The following CLSTN2 variants were observed in gnomAD, a reference collection of about 807,000 sequenced individuals.
CLSTN2 encodes the protein calsyntenin 2, also known as calsyntenin-2.
Under a neutral mutation model 101.2 loss-of-function variants are expected in CLSTN2, and 48 were observed. The observed-to-expected ratio is 0.47, with a 90% CI of 0.38 to 0.60. The LOEUF is 0.60. Ranked by LOEUF, CLSTN2 falls within the 20% of genes least tolerant of loss-of-function variation. CLSTN2 has a pLI of 0.00. For missense variants in CLSTN2, 1,160 were observed against 1,238.2 expected, an observed-to-expected ratio of 0.94 and a Z score of 0.95; for synonymous variants, 481 against 463.6, an observed-to-expected ratio of 1.04 and a Z score of -0.48.
At chr3:140,535,177 G>A (rs1200400004) in intron 9 of CLSTN2, among the ~76,000 whole-genome samples, 1 of 152,208 alleles carries the variant, frequency 6.6e-6, no homozygotes, top group Non-Finnish European at 1.5e-5. Context: ...GTAGAATGAA[G>A]CAGACCAACC....
intron 5 of CLSTN2, among the ~76,000 whole-genome samples, chr3:140,424,200 A>C (rs1347580465): frequency 1.3e-5 from 2 of 152,206 alleles, no homozygotes; most frequent in East Asian, 3.9e-4. Flanking sequence ...GACTGAGAAC[A>C]GGTACAAGAA....
chr3:140,180,616 CTT>C (rs1178845116), intron 2 of CLSTN2, among the ~76,000 whole-genome samples: 1 of 152,156 alleles, frequency 6.6e-6, no homozygotes, highest in Admixed American at 6.5e-5. Flanking sequence ...ACTGTGGAGA[CTT>C]TTAAATTTCA....
chr3:140,511,426 T>A (rs1934811376), intron 8 of CLSTN2, among the ~76,000 whole-genome samples: 1 of 152,124 alleles, frequency 6.6e-6, no homozygotes, highest in African/African-American at 2.4e-5. Flanking sequence ...TGCCTCTAGA[T>A]CTTTGAGGAA....
intron 1 of CLSTN2, among the ~76,000 whole-genome samples, chr3:140,148,545 A>G (rs1312186092): frequency 1.3e-5 from 2 of 152,228 alleles, no homozygotes; most frequent in African/African-American, 2.4e-5. Context: ...AATGCAAGTA[A>G]TAGTCCATAT....
chr3:140,283,155 A>G (rs1330967102), intron 2 of CLSTN2, among the ~76,000 whole-genome samples: 6 of 152,174 alleles, frequency 3.9e-5, no homozygotes, highest in Non-Finnish European at 2.9e-5. Flanking sequence ...TTTATAATAT[A>G]CAAGGTTCTA....
chr3:140,357,616 G>A (rs928334610), intron 2 of CLSTN2, among the ~76,000 whole-genome samples: 6 of 152,130 alleles, frequency 3.9e-5, no homozygotes. Flanking sequence ...GGCAAGCAGA[G>A]GCAGGAACAC....
intron 8 of CLSTN2, among the ~76,000 whole-genome samples, chr3:140,477,831 C>T (rs1375839414): frequency 6.6e-6 from 1 of 152,194 alleles, no homozygotes; most frequent in Non-Finnish European, 1.5e-5. Context: ...AGTGCAATCC[C>T]CAATGGCACT....
intron 5 of CLSTN2, among the ~76,000 whole-genome samples, chr3:140,439,655 T>G (rs2088737128): frequency 6.6e-6 from 1 of 152,234 alleles, no homozygotes; most frequent in Admixed American, 6.5e-5. Flanking sequence ...TTCACATTTG[T>G]CCACGACATT....
In CLSTN2 at chr3:140,448,057, T is replaced by C. The variant is rs114864919; in HGVS notation, c.788-462T>C. Among the ~76,000 whole-genome samples the C allele has an allele frequency of 2.0e-3, 307 of 152,206 alleles. 2 individuals are homozygous for C. The highest frequency in any genetic ancestry group is 5.2e-3 in the African/African-American group (214 of 41,516). ...AATTTTGAGATACTAAAAAAAAGGT[T>C]TGGGGATGATGGGGGTTGCCTCTGG... On this transcript the variant is annotated intron_variant, in intron 5 of 16. Coordinates refer to ENST00000458420, the MANE Select transcript of CLSTN2 (RefSeq NM_022131.3).
chr3:140,227,455 G>A lies in CLSTN2; in HGVS notation c.232+51382G>A, dbSNP rs185417032. The stretch of plus-strand genomic sequence containing the variant: ...CTTCACAGGGTACAGCTTCCCTCCC[G>A]GCTGTCCTCATGGGCTGGCATTGAG... On this transcript the variant is annotated intron_variant, in intron 2 of 16. Coordinates refer to ENST00000458420, the MANE Select transcript of CLSTN2 (RefSeq NM_022131.3). Among the ~76,000 whole-genome samples the A allele has an allele frequency of 2.3e-3, 349 of 152,264 alleles. 2 individuals carry two copies. Among genetic ancestry groups the A allele is most frequent in the Non-Finnish European group, 3.9e-3 (267 of 68,026 alleles).
chr3:140,367,800 C>A (rs2107954831), intron 2 of CLSTN2, among the ~76,000 whole-genome samples: 1 of 152,288 alleles, frequency 6.6e-6, no homozygotes, highest in South Asian at 2.1e-4. Context: ...TCAACTTCTT[C>A]ATTTGTAAAC....
chr3:140,283,340 G>T (rs185910728), intron 2 of CLSTN2, among the ~76,000 whole-genome samples: 2 of 152,176 alleles, frequency 1.3e-5, no homozygotes, highest in South Asian at 4.2e-4. Context: ...GGCCAAAGTC[G>T]TACTTTTTCA....
intron 2 of CLSTN2, among the ~76,000 whole-genome samples, chr3:140,382,297 G>A (rs9917683): frequency 0.021 from 3,127 of 152,182 alleles, 97 homozygotes; most frequent in African/African-American, 0.07. Flanking sequence ...GAGTCTCCAT[G>A]GGCCACCCAC....
intron 2 of CLSTN2, among the ~76,000 whole-genome samples, chr3:140,195,610 T>TC (rs1477732567): frequency 9.2e-5 from 14 of 152,340 alleles, no homozygotes; most frequent in African/African-American, 3.4e-4. Context: ...CTTGTCATTT[T>TC]CCAGAAGAAG....
chr3:140,411,339 A>G (rs2088360510), intron 4 of CLSTN2, among the ~76,000 whole-genome samples: 1 of 152,276 alleles, frequency 6.6e-6, no homozygotes, highest in South Asian at 2.1e-4. Context: ...GAAGGTCATT[A>G]TATGATAATA....
intron 8 of CLSTN2, among the ~76,000 whole-genome samples, chr3:140,511,391 A>T (rs1250871392): frequency 6.6e-6 from 1 of 152,128 alleles, no homozygotes. Flanking sequence ...TGCAGTAATG[A>T]AATTGCTGGG....
intron 1 of CLSTN2, among the ~76,000 whole-genome samples, chr3:139,993,855 ATGAC>A (rs747528605): frequency 0.25 from 38,398 of 152,062 alleles, 5,048 homozygotes; most frequent in Admixed American, 0.36. Flanking sequence ...AAGAAAGTAT[ATGAC>A]AAGTGAATCA....
At chr3:140,300,563 T>C (rs2087048075) in intron 2 of CLSTN2, among the ~76,000 whole-genome samples, 1 of 152,132 alleles carries the variant, frequency 6.6e-6, no homozygotes. Flanking sequence ...AGGGTTCTTT[T>C]GGGGTCAGGG....
At position 140,563,118 on chromosome 3, in the gene CLSTN2, G is replaced by A. The variant is rs776061646; in HGVS notation, c.2397G>A (p.Glu799=). The change falls in exon 15 of 17, where the codon GAG becomes GAA. Residue 799 remains glutamate (E), a synonymous_variant. Coordinates refer to ENST00000458420, the MANE Select transcript of CLSTN2 (RefSeq NM_022131.3). ...ATGAAGACCAAGTCTCAGATAAGGA[G>A]CATGTCAATCATCTGATTGTGCAGC... ...ILHEDQVSDK[E]HVNHLIVQPP... 11 of 1,613,972 alleles carry A rather than the reference G, an allele frequency of 6.8e-6. No homozygotes were observed. The highest frequency in any genetic ancestry group is 1.6e-4 in the Middle Eastern group (1 of 6,084).
Sources: allele counts gnomAD v4.1 joint callset (sites outside exome capture counted in the v4.1 genomes callset), GRCh38; gene constraint gnomAD v4.1.1; transcripts MANE v1.5; gene names NCBI Gene and HGNC (gene_info 2026-07-23, HGNC 2026-07-21).